OSBPL10: variants seen among roughly 807,000 people sequenced by gnomAD.
OSBPL10 encodes the protein oxysterol binding protein like 10.
Under a neutral mutation model 81.7 loss-of-function variants are expected in OSBPL10, and 49 were observed. That is an observed-to-expected ratio of 0.60 (90% CI 0.48 to 0.76). OSBPL10 has a LOEUF of 0.76. OSBPL10 is among the 30% of genes least tolerant of loss of function. The pLI is 0.00. For missense variants in OSBPL10, 923 were observed against 987.8 expected, an observed-to-expected ratio of 0.93 and a Z score of 0.88; for synonymous variants, 419 against 383.6, an observed-to-expected ratio of 1.09 and a Z score of -1.08.
intron 1 of OSBPL10, among the ~76,000 whole-genome samples, chr3:31,926,289 G>GCTCCCCC (rs1553641093): frequency 3.1e-5 from 4 of 130,114 alleles, no homozygotes; most frequent in South Asian, 5.4e-4. Context: ...GGGTGATTTT[G>GCTCCCCC]CCCCCCCAGA....
At chr3:31,693,392 A>T (rs1209612616) in intron 7 of OSBPL10, among the ~76,000 whole-genome samples, 1 of 152,370 alleles carries the variant, frequency 6.6e-6, no homozygotes, top group East Asian at 1.9e-4. Context: ...ATCATCACCT[A>T]TAACATCAAG....
chr3:31,855,184 C>T (rs1038129542), intron 3 of OSBPL10, among the ~76,000 whole-genome samples: 1 of 141,518 alleles, frequency 7.1e-6, no homozygotes, highest in Non-Finnish European at 1.6e-5. Flanking sequence ...GCCACCCTGG[C>T]TAATTTTTAA....
chr3:31,795,620 GT>G, intron 4 of OSBPL10: 1 of 200,250 alleles, frequency 5.0e-6, no homozygotes. Flanking sequence ...TGTGGGAAAT[GT>G]TTTAGACAAA....
At chr3:31,855,277 T>C (rs554118822) in intron 3 of OSBPL10, among the ~76,000 whole-genome samples, 2 of 152,304 alleles carry the variant, frequency 1.3e-5, no homozygotes, top group African/African-American at 4.8e-5. Flanking sequence ...ACACCAGGTC[T>C]CCCAAAATGC....
chr3:31,760,888 G>A (rs368960744), intron 4 of OSBPL10, among the ~76,000 whole-genome samples: 1 of 152,134 alleles, frequency 6.6e-6, no homozygotes, highest in East Asian at 1.9e-4. Flanking sequence ...ACGGATTACG[G>A]TTCAACAAAC....
At chr3:31,719,967 T>C (rs1191761887) in intron 6 of OSBPL10, among the ~76,000 whole-genome samples, 1 of 151,398 alleles carries the variant, frequency 6.6e-6, no homozygotes, top group Non-Finnish European at 1.5e-5. Context: ...ACCTAAGATA[T>C]ATTGTCTAAT....
At chr3:31,811,147 G>A (rs1211036099) in intron 4 of OSBPL10, among the ~76,000 whole-genome samples, 2 of 150,316 alleles carry the variant, frequency 1.3e-5, no homozygotes, top group Non-Finnish European at 3.0e-5. Context: ...GGGCTCAGAT[G>A]TAGCCTGTGG....
chr3:31,943,792 C>A (rs1224942298), intron 1 of OSBPL10, among the ~76,000 whole-genome samples: 2 of 151,510 alleles, frequency 1.3e-5, no homozygotes, highest in African/African-American at 4.9e-5. Context: ...AGGGTGAAAC[C>A]CCGTCTCTAC....
intron 4 of OSBPL10, among the ~76,000 whole-genome samples, chr3:31,789,001 C>T (rs758004027): frequency 8.6e-5 from 13 of 151,106 alleles, no homozygotes; most frequent in South Asian, 4.2e-4. Context: ...GTTTTTGAGA[C>T]GGAGTCTCAC....
chr3:31,862,113 T>C (rs1701068156), intron 3 of OSBPL10, among the ~76,000 whole-genome samples: 1 of 152,220 alleles, frequency 6.6e-6, no homozygotes, highest in Admixed American at 6.5e-5. Flanking sequence ...CTTCATGCAT[T>C]GCATGCCTCT....
At chr3:32,068,677 T>G (rs1699800812) in intron 1 of OSBPL10, among the ~76,000 whole-genome samples, 1 of 152,114 alleles carries the variant, frequency 6.6e-6, no homozygotes, top group African/African-American at 2.4e-5. Flanking sequence ...AGATCATTTT[T>G]GTCGAAAAAT....
intron 2 of OSBPL10, among the ~76,000 whole-genome samples, chr3:31,878,506 A>G (rs1235271304): frequency 1.3e-5 from 2 of 152,206 alleles, no homozygotes; most frequent in Non-Finnish European, 2.9e-5. Context: ...GGATTGTTTT[A>G]TAGATTCTGA....
intron 1 of OSBPL10, among the ~76,000 whole-genome samples, chr3:31,953,169 G>A (rs1027699943): frequency 1.3e-5 from 2 of 151,698 alleles, no homozygotes; most frequent in South Asian, 2.1e-4. Context: ...TCCTGACCTC[G>A]TGATCCATCC....
At position 31,849,747 on chromosome 3, in the gene OSBPL10, C is replaced by T. The variant is rs117331469; in HGVS notation, c.538-19516G>A. 1.7e-4 allele frequency among the ~76,000 whole-genome samples: 26 copies of T among 152,288 alleles called. No individual in the cohort carries two copies. In the East Asian group the frequency reaches 2.9e-3, roughly 17 times the overall value. On this transcript the variant is annotated intron_variant, in intron 3 of 11. Coordinates refer to ENST00000396556, the MANE Select transcript of OSBPL10 (RefSeq NM_017784.5). ...CACAAACACTGGCATGAAAAAATTTCCAAGACTGGGCTGGGTATGGTGGCT... is the reference window on the plus strand; with the variant it reads ...CACAAACACTGGCATGAAAAAATTTTCAAGACTGGGCTGGGTATGGTGGCT...
chr3:31,969,870 GA>G (rs58507991), intron 1 of OSBPL10, among the ~76,000 whole-genome samples: 28,705 of 113,714 alleles, frequency 0.25, 2,906 homozygotes, highest in South Asian at 0.42. Flanking sequence ...AACAAAAAAA[GA>G]AAAAAAAAAA....
At chr3:31,761,827 A>AAC (rs1559453530) in intron 4 of OSBPL10, among the ~76,000 whole-genome samples, 1 of 149,434 alleles carries the variant, frequency 6.7e-6, no homozygotes, top group African/African-American at 2.6e-5. Flanking sequence ...AAAAAAAAAA[A>AAC]AAAACCCTAA....
intron 6 of OSBPL10, among the ~76,000 whole-genome samples, chr3:31,703,126 T>G (rs952179641): frequency 2.6e-5 from 4 of 152,230 alleles, no homozygotes; most frequent in Non-Finnish European, 5.9e-5. Context: ...CAACATACCC[T>G]GCTTTCCTCG....
In OSBPL10 at chr3:31,878,814, CATGTGTGT is replaced by C. The variant is rs1185119448; in HGVS notation, c.457+833_457+840del. Among the ~76,000 whole-genome samples, 328 of 104,732 alleles carry C rather than the reference CATGTGTGT, an allele frequency of 3.1e-3. 1 individual carries two copies. The highest frequency in any genetic ancestry group is 3.7e-3 in the African/African-American group (119 of 31,782). The allele number at this position is 104,732 out of a possible 152,430, so 68.7% of individuals were successfully genotyped here. On this transcript the variant is annotated intron_variant, in intron 2 of 11. Coordinates refer to ENST00000396556, the MANE Select transcript of OSBPL10 (RefSeq NM_017784.5). Reference sequence around the variant, plus strand: ...ATAAATAATATAGACTCTGCGTGTCCATGTGTGTGTGTGTGTGTGTGTGTGTGTGTGTG... The same window carrying C: ...ATAAATAATATAGACTCTGCGTGTCCGTGTGTGTGTGTGTGTGTGTGTGTG...
chr3:32,021,529 TA>T (rs1699364272), intron 2 of OSBPL10, among the ~76,000 whole-genome samples: 2 of 152,262 alleles, frequency 1.3e-5, no homozygotes, highest in African/African-American at 4.8e-5. Context: ...GCCATTCTGG[TA>T]AAAGTAAATG....
Sources: gnomAD v4.1 joint callset for allele counts (sites outside exome capture counted in the v4.1 genomes callset) on GRCh38, gnomAD v4.1.1 for gene constraint, MANE v1.5 for transcripts, NCBI Gene and HGNC (gene_info 2026-07-23, HGNC 2026-07-21) for gene names.